FNDC3B: variants seen among roughly 807,000 people sequenced by gnomAD.
FNDC3B encodes the protein fibronectin type III domain containing 3B, also known as fibronectin type III domain-containing protein 3B.
In FNDC3B, 12 loss-of-function variants were observed where a neutral mutation model predicts 151.5. The observed-to-expected ratio is 0.08, with a 90% CI of 0.05 to 0.13. The LOEUF (loss-of-function observed/expected upper bound fraction) is 0.13. Among genes scored for constraint, FNDC3B ranks in the 10% least tolerant of loss-of-function variants. FNDC3B has a pLI of 1.00. For missense variants in FNDC3B, 1,214 were observed against 1,505.3 expected (o/e 0.81, Z 3.20); for synonymous variants, 528 against 549.0 (o/e 0.96, Z 0.54).
chr3:172,122,177 A>G (rs1302023132), intron 2 of FNDC3B, among the ~76,000 whole-genome samples: 2 of 152,244 alleles, frequency 1.3e-5, no homozygotes, highest in African/African-American at 4.8e-5. Context: ...ACATATGACT[A>G]TATAAAATAT....
chr3:172,159,984 C>G (rs894121430), intron 3 of FNDC3B, among the ~76,000 whole-genome samples: 3 of 152,180 alleles, frequency 2.0e-5, no homozygotes, highest in South Asian at 2.1e-4. Flanking sequence ...AATGGGCTGG[C>G]ACATCTGCAG....
chr3:172,194,426 G>T (rs1487398300), intron 3 of FNDC3B, among the ~76,000 whole-genome samples: 1 of 152,094 alleles, frequency 6.6e-6, no homozygotes, highest in Non-Finnish European at 1.5e-5. Flanking sequence ...TTTGTTTTTG[G>T]TTATTTGCCA....
chr3:172,317,647 A>G (rs189620547), intron 11 of FNDC3B, among the ~76,000 whole-genome samples: 185 of 152,356 alleles, frequency 1.2e-3, no homozygotes, highest in Non-Finnish European at 2.3e-3. Flanking sequence ...ACTGAATGAG[A>G]TAAGTTGGAC....
At chr3:172,200,256 A>G (rs1725077416) in intron 3 of FNDC3B, among the ~76,000 whole-genome samples, 1 of 152,212 alleles carries the variant, frequency 6.6e-6, no homozygotes, top group African/African-American at 2.4e-5. Context: ...GAAAACCCAC[A>G]CAGACATGAG....
At chr3:172,144,707 CTT>C (rs11328556) in intron 3 of FNDC3B, among the ~76,000 whole-genome samples, 110 of 148,948 alleles carry the variant, frequency 7.4e-4, no homozygotes, top group Non-Finnish European at 1.2e-3. Context: ...AAAAGGCAAA[CTT>C]TTTTTTTTTT....
chr3:172,379,440 G>A (rs765871033), intron 24 of FNDC3B, among the ~76,000 whole-genome samples: 1 of 152,226 alleles, frequency 6.6e-6, no homozygotes, highest in Non-Finnish European at 1.5e-5. Context: ...GTCAATTATA[G>A]GAACTTTCCA....
chr3:172,245,917 G>T (rs544765065), intron 4 of FNDC3B, among the ~76,000 whole-genome samples: 1 of 152,274 alleles, frequency 6.6e-6, no homozygotes, highest in African/African-American at 2.4e-5. Context: ...ATTAATGAAT[G>T]TAAAGATTTC....
chr3:172,085,307 T>G (rs1033834462), intron 1 of FNDC3B, among the ~76,000 whole-genome samples: 1 of 152,172 alleles, frequency 6.6e-6, no homozygotes, highest in Non-Finnish European at 1.5e-5. Context: ...ATTTCTAGCT[T>G]TTTTGGTTTG....
intron 3 of FNDC3B, among the ~76,000 whole-genome samples, chr3:172,191,262 A>G (rs1190305933): frequency 6.6e-6 from 1 of 152,184 alleles, no homozygotes; most frequent in Non-Finnish European, 1.5e-5. Context: ...TGATGTTAAC[A>G]TGTTGGCATA....
At chr3:172,044,251 TG>T (rs1553865683) in intron 1 of FNDC3B, among the ~76,000 whole-genome samples, 61 of 151,092 alleles carry the variant, frequency 4.0e-4, no homozygotes, top group African/African-American at 1.2e-3. Context: ...AACAACTTTC[TG>T]ATTTTGTATG....
At chr3:172,242,675 C>A (rs1420315805) in intron 4 of FNDC3B, among the ~76,000 whole-genome samples, 1 of 152,206 alleles carries the variant, frequency 6.6e-6, no homozygotes, top group Non-Finnish European at 1.5e-5. Flanking sequence ...ACCATTTTAT[C>A]CTCCTAGGCC....
chr3:172,146,638 T>C (rs1049830663), intron 3 of FNDC3B, among the ~76,000 whole-genome samples: 2 of 152,228 alleles, frequency 1.3e-5, no homozygotes, highest in Non-Finnish European at 2.9e-5. Context: ...TACATTTCAG[T>C]GTACAGGCTG....
At position 172,251,537 on chromosome 3, in the gene FNDC3B, G is replaced by A. The variant is rs769465326; in HGVS notation, c.786G>A (p.Leu262=). 6.2e-7 allele frequency: 1 copy of A among 1,609,500 alleles called. No homozygotes were observed. Among genetic ancestry groups the A allele is most frequent in the East Asian group, 2.2e-5 (1 of 44,808 alleles). The change falls in exon 6 of 26, where the codon TTG becomes TTA. Residue 262 remains leucine (L), a synonymous_variant. Transcript: ENST00000415807. ...RSSPKSNDSD[L]QEYELEVKRV... ...GCCCAAAGTCGAATGATTCAGACTTGCAAGGTAATACTCAAGATGTTTGCC... is the reference window on the plus strand; with the variant it reads ...GCCCAAAGTCGAATGATTCAGACTTACAAGGTAATACTCAAGATGTTTGCC...
chr3:172,198,746 C>G (rs1029006903), intron 3 of FNDC3B, among the ~76,000 whole-genome samples: 2 of 152,186 alleles, frequency 1.3e-5, no homozygotes, highest in Admixed American at 6.5e-5. Context: ...ACTCCTGACT[C>G]CCCATATCAA....
At chr3:172,360,180 G>A (rs2108338374) in intron 22 of FNDC3B, among the ~76,000 whole-genome samples, 1 of 152,246 alleles carries the variant, frequency 6.6e-6, no homozygotes, top group East Asian at 1.9e-4. Context: ...ATTACATTGC[G>A]AATTTAGTTT....
intron 6 of FNDC3B, among the ~76,000 whole-genome samples, chr3:172,276,041 G>C (rs935567596): frequency 9.2e-5 from 14 of 152,108 alleles, no homozygotes; most frequent in Non-Finnish European, 4.4e-5. Context: ...AGTTTGCTTT[G>C]TTTCTGCTTT....
chr3:172,185,284 CG>C (rs1413669246), intron 3 of FNDC3B, among the ~76,000 whole-genome samples: 3 of 152,198 alleles, frequency 2.0e-5, no homozygotes, highest in Non-Finnish European at 4.4e-5. Context: ...TAAAAAACAT[CG>C]TGACCCCTTT....
chr3:172,347,323 G>A lies in FNDC3B; in HGVS notation c.2476G>A (p.Asp826Asn). Residue 826 changes from aspartate (D) to asparagine (N), a missense_variant, in exon 21 of 26, where the codon GAC (aspartate) becomes AAC (asparagine). Coordinates refer to ENST00000415807, the MANE Select transcript of FNDC3B (RefSeq NM_022763.4). ...GACAGACACCCGTTTTGAAATAAGA[G>A]ACCTGTTGCCTGCTGCACAGTATTG... ...HGTDTRFEIRDLLPAAQYCCR... is the reference protein window; with the variant it reads ...HGTDTRFEIRNLLPAAQYCCR... The A allele has an allele frequency of 1.2e-6, 2 of 1,614,080 alleles. No homozygotes were observed. Among genetic ancestry groups the A allele is most frequent in the Non-Finnish European group, 1.7e-6 (2 of 1,179,972 alleles).
At chr3:172,184,937 G>A (rs1560007141) in intron 3 of FNDC3B, among the ~76,000 whole-genome samples, 1 of 151,966 alleles carries the variant, frequency 6.6e-6, no homozygotes, top group Admixed American at 6.6e-5. Flanking sequence ...AGATTCAGAA[G>A]CAAAGGAAAA....
Sources: gnomAD v4.1 joint callset for allele counts (sites outside exome capture counted in the v4.1 genomes callset) on GRCh38, gnomAD v4.1.1 for gene constraint, MANE v1.5 for transcripts, NCBI Gene and HGNC (gene_info 2026-07-23, HGNC 2026-07-21) for gene names.